VAT1L: variants seen among roughly 807,000 people sequenced by gnomAD.
VAT1L encodes the protein vesicle amine transport 1 like.
A neutral mutation model predicts 44.1 loss-of-function variants in VAT1L; 34 were observed. That is an observed-to-expected ratio of 0.77 (90% CI 0.59 to 1.03). The LOEUF is 1.03. Among genes scored for constraint, VAT1L ranks in the 50% least tolerant of loss-of-function variants. The pLI is 0.00. For missense variants in VAT1L, 615 were observed against 538.8 expected, an observed-to-expected ratio of 1.14 and a Z score of -1.40; for synonymous variants, 253 against 202.2, an observed-to-expected ratio of 1.25 and a Z score of -2.13.
intron 2 of VAT1L, among the ~76,000 whole-genome samples, chr16:77,819,663 A>G (rs1309483319): frequency 1.3e-5 from 2 of 152,164 alleles, no homozygotes; most frequent in African/African-American, 4.8e-5. Context: ...GATTACAGGC[A>G]TGAGCCACCG....
chr16:77,957,195 A>T (rs1324174092), intron 7 of VAT1L, among the ~76,000 whole-genome samples: 2 of 152,286 alleles, frequency 1.3e-5, no homozygotes, highest in East Asian at 3.9e-4. Flanking sequence ...GGTCTTTGGA[A>T]TTCTTAAATT....
At chr16:77,957,096 A>C (rs2018112186) in intron 7 of VAT1L, among the ~76,000 whole-genome samples, 1 of 152,196 alleles carries the variant, frequency 6.6e-6, no homozygotes, top group Non-Finnish European at 1.5e-5. Context: ...TACCAACTTA[A>C]TAAATGGTAC....
chr16:77,899,816 C>G (rs1254560021), intron 7 of VAT1L, among the ~76,000 whole-genome samples: 2 of 152,248 alleles, frequency 1.3e-5, no homozygotes, highest in Non-Finnish European at 2.9e-5. Flanking sequence ...ACACACAACT[C>G]TACTAAGTAG....
chr16:77,833,199 A>G (rs920643589), intron 3 of VAT1L, among the ~76,000 whole-genome samples: 4 of 152,218 alleles, frequency 2.6e-5, no homozygotes, highest in Non-Finnish European at 5.9e-5. Flanking sequence ...GGTAGGGAAT[A>G]AGACAGATTC....
intron 7 of VAT1L, among the ~76,000 whole-genome samples, chr16:77,968,087 T>A (rs1425101991): frequency 6.6e-6 from 1 of 152,170 alleles, no homozygotes; most frequent in Non-Finnish European, 1.5e-5. Context: ...AAGAATATAT[T>A]ATCTATTATT....
chr16:77,967,999 T>C (rs1429902680), intron 7 of VAT1L, among the ~76,000 whole-genome samples: 2 of 152,188 alleles, frequency 1.3e-5, no homozygotes, highest in Non-Finnish European at 2.9e-5. Context: ...GGTAAATTGC[T>C]TCTATTTTTG....
Position 77,949,213 on chromosome 16 carries a change from T to G in VAT1L, c.1078-22637T>G, listed in dbSNP as rs1342346276. The stretch of plus-strand genomic sequence containing the variant: ...GTGGAGACAATACACACGTGGAGAT[T>G]AGAGCCAAGATCTCTGATCGACTGC... On this transcript the variant is annotated intron_variant, in intron 7 of 8. Coordinates refer to ENST00000302536, the MANE Select transcript of VAT1L (RefSeq NM_020927.3). Among the ~76,000 whole-genome samples the G allele has an allele frequency of 3.3e-5, 5 of 152,110 alleles. No homozygotes were observed. The East Asian group carries it at 5.8e-4, about 18-fold the overall frequency.
intron 3 of VAT1L, among the ~76,000 whole-genome samples, chr16:77,857,683 T>A (rs1350088781): frequency 6.7e-6 from 1 of 150,232 alleles, no homozygotes; most frequent in African/African-American, 2.4e-5. Context: ...TATGTATATA[T>A]AATTATACAT....
intron 8 of VAT1L, among the ~76,000 whole-genome samples, chr16:77,975,835 G>A (rs999927409): frequency 6.6e-6 from 1 of 152,176 alleles, no homozygotes; most frequent in Non-Finnish European, 1.5e-5. Context: ...CCCCAGTCCT[G>A]GCCATCTGAC....
At chr16:77,797,766 G>A (rs1003718811) in intron 1 of VAT1L, among the ~76,000 whole-genome samples, 3 of 152,194 alleles carry the variant, frequency 2.0e-5, no homozygotes, top group Admixed American at 6.5e-5. Context: ...TCCTAAGAGA[G>A]AGCCTTTTGG....
intron 4 of VAT1L, among the ~76,000 whole-genome samples, chr16:77,873,767 G>C (rs2017058002): frequency 6.6e-6 from 1 of 152,180 alleles, no homozygotes; most frequent in Non-Finnish European, 1.5e-5. Context: ...TCGTATGTGG[G>C]TGAGGTCTGA....
At chr16:77,883,472 C>T (rs930438513) in intron 6 of VAT1L, among the ~76,000 whole-genome samples, 3 of 152,266 alleles carry the variant, frequency 2.0e-5, no homozygotes, top group Non-Finnish European at 2.9e-5. Context: ...CAGGGCATCT[C>T]GGCTTTAATG....
intron 7 of VAT1L, among the ~76,000 whole-genome samples, chr16:77,927,105 G>C (rs560324255): frequency 6.6e-6 from 1 of 152,036 alleles, no homozygotes; most frequent in Admixed American, 6.6e-5. Flanking sequence ...TTGGGACGCC[G>C]AGGCAGGAGG....
intron 1 of VAT1L, among the ~76,000 whole-genome samples, chr16:77,793,167 A>G (rs1035392965): frequency 1.3e-5 from 2 of 152,182 alleles, no homozygotes; most frequent in Non-Finnish European, 2.9e-5. Flanking sequence ...GGTGAAGTGC[A>G]GTGGTGTGAT....
At chr16:77,803,819 G>C (rs550276885) in intron 1 of VAT1L, among the ~76,000 whole-genome samples, 2 of 152,132 alleles carry the variant, frequency 1.3e-5, no homozygotes, top group Non-Finnish European at 2.9e-5. Context: ...CTTTGGCTCC[G>C]ATGAGAAATC....
intron 7 of VAT1L, among the ~76,000 whole-genome samples, chr16:77,936,015 T>A (rs2017791532): frequency 6.6e-6 from 1 of 152,068 alleles, no homozygotes; most frequent in African/African-American, 2.4e-5. Flanking sequence ...TTAATTTTCC[T>A]CTTTTGAGAA....
At chr16:77,850,123 T>C (rs2016793964) in intron 3 of VAT1L, among the ~76,000 whole-genome samples, 1 of 152,166 alleles carries the variant, frequency 6.6e-6, no homozygotes, top group Non-Finnish European at 1.5e-5. Flanking sequence ...ACGCCTTTGC[T>C]TTCTGCCAGG....
chr16:77,795,813 CTTTTTTTTTTTTTTTTTT>C (rs56725954), intron 1 of VAT1L, among the ~76,000 whole-genome samples: 2 of 100,592 alleles, frequency 2.0e-5, no homozygotes, highest in South Asian at 3.5e-4. Context: ...CCTTTTTTCT[CTTTTTTTTTTTTTTTTTT>C]TTTTTTTCAT....
At chr16:77,874,839 T>TAAAAAAAA (rs769810512) in intron 4 of VAT1L, among the ~76,000 whole-genome samples, 1 of 87,706 alleles carries the variant, frequency 1.1e-5, no homozygotes, top group Non-Finnish European at 2.3e-5. Flanking sequence ...AATTAATTTG[T>TAAAAAAAA]AAAAAAAAAA....
Sources: allele counts gnomAD v4.1 joint callset (sites outside exome capture counted in the v4.1 genomes callset), GRCh38; gene constraint gnomAD v4.1.1; transcripts MANE v1.5; gene names NCBI Gene and HGNC (gene_info 2026-07-23, HGNC 2026-07-21).